Variants in SEL1L3 observed in about 807,000 individuals in gnomAD.
The protein encoded by SEL1L3 is SEL1L family member 3, also known as protein sel-1 homolog 3.
A neutral mutation model predicts 142.8 loss-of-function variants in SEL1L3; 76 were observed. The observed-to-expected ratio is 0.53, with a 90% CI of 0.44 to 0.64. The LOEUF (loss-of-function observed/expected upper bound fraction) is 0.64. SEL1L3 is among the 30% of genes least tolerant of loss of function. The pLI, the probability that SEL1L3 is intolerant of heterozygous loss-of-function variation, is 0.00. For synonymous variants in SEL1L3, 504 were observed against 519.6 expected, an observed-to-expected ratio of 0.97 and a Z score of 0.41; for missense variants, 1,262 against 1,381.7, an observed-to-expected ratio of 0.91 and a Z score of 1.37.
chr4:25,764,825 CA>C (rs1718605813), intron 20 of SEL1L3, among the ~76,000 whole-genome samples: 1 of 152,106 alleles, frequency 6.6e-6, no homozygotes, highest in Non-Finnish European at 1.5e-5. Context: ...GTGGGGGACA[CA>C]GTAGGTGTTT....
intron 17 of SEL1L3, chr4:25,770,571 C>T (rs2109145235): frequency 6.6e-6 from 1 of 152,042 alleles, no homozygotes. Flanking sequence ...GAAACCCTGT[C>T]TCTGCTAAAA....
chr4:25,718,007 T>G, the SEL1L3 span: 1 of 152,162 alleles, frequency 6.6e-6, no homozygotes, highest in Non-Finnish European at 1.5e-5. Flanking sequence ...GCATACTTTC[T>G]TGATAGGTAA....
downstream of SEL1L3, among the ~76,000 whole-genome samples, chr4:25,744,768 G>C (rs1444078536): frequency 6.6e-6 from 1 of 152,182 alleles, no homozygotes; most frequent in South Asian, 2.1e-4. Context: ...AATGTGGCTG[G>C]TGTCCTTATG....
chr4:25,772,186 G>A (rs1719271801), intron 17 of SEL1L3, among the ~76,000 whole-genome samples: 1 of 152,166 alleles, frequency 6.6e-6, no homozygotes, highest in South Asian at 2.1e-4. Flanking sequence ...TTGAAAGCTT[G>A]GAGAGCAGGA....
At chr4:25,802,827 C>T (rs888165621) in intron 10 of SEL1L3, among the ~76,000 whole-genome samples, 19 of 152,078 alleles carry the variant, frequency 1.2e-4, no homozygotes, top group Non-Finnish European at 5.9e-5. Flanking sequence ...ATGATCTACC[C>T]GCCTCGGTTT....
intron 7 of SEL1L3, among the ~76,000 whole-genome samples, chr4:25,820,178 A>AT (rs1714659286): frequency 6.6e-6 from 1 of 152,112 alleles, no homozygotes; most frequent in Admixed American, 6.5e-5. Context: ...AAATGTCAGA[A>AT]TTTCCCAGAG....
intron 20 of SEL1L3, among the ~76,000 whole-genome samples, chr4:25,764,271 T>C (rs191833518): frequency 1.3e-5 from 2 of 152,290 alleles, no homozygotes; most frequent in African/African-American, 2.4e-5. Context: ...GAAAGAAATA[T>C]ACAACTCAAT....
chr4:25,730,084 C>A, the SEL1L3 span, among the ~76,000 whole-genome samples: 1 of 148,176 alleles, frequency 6.7e-6, no homozygotes, highest in Non-Finnish European at 1.5e-5. Flanking sequence ...TCAGCACCCG[C>A]CACCATGCCT....
chr4:25,725,212 C>T, the SEL1L3 span, among the ~76,000 whole-genome samples: 19 of 152,034 alleles, frequency 1.2e-4, no homozygotes, highest in Non-Finnish European at 2.4e-4. Context: ...GAATGCAGAG[C>T]GAGTCCACTG....
At chr4:25,776,234 A>G in intron 17 of SEL1L3, 43 bp downstream of exon 17, 2 of 1,303,474 alleles carry the variant, frequency 1.5e-6, no homozygotes, top group South Asian at 2.5e-5. Context: ...CTATACTGAC[A>G]GACAGGGAAA....
intron 2 of SEL1L3, among the ~76,000 whole-genome samples, chr4:25,838,979 G>C (rs1037973937): frequency 6.6e-6 from 1 of 152,210 alleles, no homozygotes; most frequent in East Asian, 1.9e-4. Context: ...AAGCCACTGA[G>C]ATCATCAGCC....
chr4:25,770,433 AAC>A (rs1719077829), intron 17 of SEL1L3: 1 of 152,070 alleles, frequency 6.6e-6, no homozygotes, highest in East Asian at 1.9e-4. Context: ...GATCCATAGA[AAC>A]ACTGAACAGA....
At chr4:25,807,810 G>A (rs1183679884) in intron 9 of SEL1L3, among the ~76,000 whole-genome samples, 3 of 152,006 alleles carry the variant, frequency 2.0e-5, no homozygotes, top group Non-Finnish European at 4.4e-5. Flanking sequence ...AACAAAAAGG[G>A]AATCCTTCAC....
intron 20 of SEL1L3, among the ~76,000 whole-genome samples, chr4:25,763,895 T>A (rs746822924): frequency 6.6e-6 from 1 of 152,108 alleles, no homozygotes; most frequent in Admixed American, 6.6e-5. Context: ...GATACAGGGA[T>A]AAGTTTCCAG....
intron 11 of SEL1L3, among the ~76,000 whole-genome samples, chr4:25,796,787 A>T (rs1024909322): frequency 2.0e-5 from 3 of 152,118 alleles, no homozygotes; most frequent in African/African-American, 7.2e-5. Flanking sequence ...AAACAAAACA[A>T]AAAAACAAAA....
At chr4:25,769,723 G>A (rs960281246) in intron 17 of SEL1L3, among the ~76,000 whole-genome samples, 1 of 152,194 alleles carries the variant, frequency 6.6e-6, no homozygotes, top group African/African-American at 2.4e-5. Flanking sequence ...AGGGATTGAT[G>A]AGGAAAGGAG....
At chr4:25,790,389 T>C (rs745441363) in intron 12 of SEL1L3, 66 bp downstream of exon 12, 19 of 1,507,948 alleles carry the variant, frequency 1.3e-5, no homozygotes, top group South Asian at 2.3e-5. Context: ...AGATGTTTCA[T>C]TACCACGGTA....
the SEL1L3 span, among the ~76,000 whole-genome samples, chr4:25,731,339 A>T: frequency 6.6e-6 from 1 of 152,194 alleles, no homozygotes; most frequent in Non-Finnish European, 1.5e-5. Context: ...GTACAGCTTC[A>T]TTAAGGTACA....
Position 25,846,735 on chromosome 4 carries a change from C to T in SEL1L3, c.733+559G>A, listed in dbSNP as rs560632228. Among the ~76,000 whole-genome samples, 17 of 151,896 alleles carry T rather than the reference C, an allele frequency of 1.1e-4. No homozygotes were observed. In the South Asian group the frequency reaches 3.5e-3, roughly 32 times the overall value. On this transcript the variant is annotated intron_variant, in intron 2 of 23. Transcript: ENST00000399878. ...ACCAGCCTGGCCAACATGGTGAAAC[C>T]CCATCTCTACTAAAAATACAAAAAT...
Sources: gnomAD v4.1 joint callset for allele counts (sites outside exome capture counted in the v4.1 genomes callset) on GRCh38, gnomAD v4.1.1 for gene constraint, MANE v1.5 for transcripts, NCBI Gene and HGNC (gene_info 2026-07-23, HGNC 2026-07-21) for gene names.